The following PPP3CA variants were observed in gnomAD, a reference collection of about 807,000 sequenced individuals.
The protein encoded by PPP3CA is protein phosphatase 3 catalytic subunit alpha.
In PPP3CA, 14 loss-of-function variants were observed where a neutral mutation model predicts 66.5. That is an observed-to-expected ratio of 0.21 (90% CI 0.14 to 0.33). The LOEUF (loss-of-function observed/expected upper bound fraction) is 0.33, where lower values mean the gene tolerates loss of function less well. PPP3CA is among the 10% of genes least tolerant of loss of function. The pLI, the probability that PPP3CA is intolerant of heterozygous loss-of-function variation, is 1.00. For synonymous variants in PPP3CA, 232 were observed against 226.2 expected (o/e 1.03, Z -0.23); for missense variants, 317 against 639.5 (o/e 0.50, Z 5.44).
chr4:101,229,445 A>C (rs1578574310), intron 1 of PPP3CA, among the ~76,000 whole-genome samples: 1 of 151,832 alleles, frequency 6.6e-6, no homozygotes, highest in East Asian at 1.9e-4. Context: ...CAAGTATATA[A>C]GAATCAGATA....
intron 2 of PPP3CA, among the ~76,000 whole-genome samples, chr4:101,192,680 A>G (rs775773370): frequency 1.3e-5 from 2 of 152,168 alleles, no homozygotes; most frequent in Non-Finnish European, 2.9e-5. Flanking sequence ...TGTACTTATC[A>G]TACATGATAC....
At chr4:101,115,488 T>C (rs1721812284) in intron 2 of PPP3CA, among the ~76,000 whole-genome samples, 1 of 151,940 alleles carries the variant, frequency 6.6e-6, no homozygotes, top group Non-Finnish European at 1.5e-5. Context: ...TTAGCAAATC[T>C]ACAAATAAAT....
At chr4:101,143,414 C>T (rs367621510) in intron 2 of PPP3CA, among the ~76,000 whole-genome samples, 8 of 152,270 alleles carry the variant, frequency 5.3e-5, no homozygotes, top group African/African-American at 1.9e-4. Flanking sequence ...TTCTCTGTTG[C>T]TACTGTCATA....
At chr4:101,299,886 G>A (rs1728322775) in intron 1 of PPP3CA, among the ~76,000 whole-genome samples, 1 of 152,180 alleles carries the variant, frequency 6.6e-6, no homozygotes, top group South Asian at 2.1e-4. Flanking sequence ...TAGTCTTACA[G>A]CTACTTTAAA....
chr4:101,162,528 A>AAAATAAAT (rs70961778), intron 2 of PPP3CA, among the ~76,000 whole-genome samples: 5,555 of 143,838 alleles, frequency 0.039, 140 homozygotes, highest in East Asian at 0.073. Flanking sequence ...AGACTCCATC[A>AAAATAAAT]AAATAAATAA....
rs113982233 is a variant in PPP3CA, at chr4:101,151,782, G to A, written c.260-42704C>T. Among the ~76,000 whole-genome samples, 744 of 142,768 alleles carry A rather than the reference G, an allele frequency of 5.2e-3. 4 individuals are homozygous for A. The highest frequency in any genetic ancestry group is 0.018 in the African/African-American group (699 of 38,586). The allele number at this position is 142,768 out of a possible 152,430, so 93.7% of individuals were successfully genotyped here. On this transcript the variant is annotated intron_variant, in intron 2 of 13. Coordinates refer to ENST00000394854, the MANE Select transcript of PPP3CA (RefSeq NM_000944.5). ...AGCAATTCTACTGCCTCAGCCTCCC[G>A]AGTAGCTGGGACTACAGGAGCATGC...
chr4:101,042,819 TTTTA>T (rs1727588032), intron 10 of PPP3CA, among the ~76,000 whole-genome samples: 2 of 149,660 alleles, frequency 1.3e-5, no homozygotes, highest in South Asian at 2.1e-4. Flanking sequence ...TTTTTTTTTT[TTTTA>T]AAGTGGGATG....
intron 1 of PPP3CA, among the ~76,000 whole-genome samples, chr4:101,305,490 T>G (rs1305028086): frequency 6.6e-6 from 1 of 152,164 alleles, no homozygotes; most frequent in Non-Finnish European, 1.5e-5. Context: ...ATCATAAAGT[T>G]TTCTAGAAAA....
intron 1 of PPP3CA, among the ~76,000 whole-genome samples, chr4:101,291,397 C>T (rs1198686831): frequency 1.3e-5 from 2 of 152,154 alleles, no homozygotes; most frequent in African/African-American, 4.8e-5. Context: ...GGATTGCCTT[C>T]CCAACACATG....
chr4:101,134,255 T>G (rs1722543047), intron 2 of PPP3CA, among the ~76,000 whole-genome samples: 1 of 152,040 alleles, frequency 6.6e-6, no homozygotes, highest in African/African-American at 2.4e-5. Context: ...CTAATTAAAC[T>G]AAAGAGCTTC....
chr4:101,147,583 C>T (rs1201719492), intron 2 of PPP3CA, among the ~76,000 whole-genome samples: 2 of 152,128 alleles, frequency 1.3e-5, no homozygotes, highest in Non-Finnish European at 2.9e-5. Flanking sequence ...ACCTTTGCTA[C>T]TTGAAATTGA....
intron 1 of PPP3CA, among the ~76,000 whole-genome samples, chr4:101,263,731 A>G: frequency 6.6e-6 from 1 of 152,190 alleles, no homozygotes; most frequent in South Asian, 2.1e-4. Flanking sequence ...GGGTCTATTG[A>G]TTAAATTGTC....
intron 6 of PPP3CA, among the ~76,000 whole-genome samples, chr4:101,088,835 G>GCAGC (rs1464202476): frequency 6.6e-6 from 1 of 152,034 alleles, no homozygotes; most frequent in African/African-American, 2.4e-5. Context: ...AAGAGGAAAG[G>GCAGC]CAGCATGGTT....
chr4:101,168,881 TATG>T (rs1211044628), intron 2 of PPP3CA, among the ~76,000 whole-genome samples: 1 of 152,180 alleles, frequency 6.6e-6, no homozygotes, highest in East Asian at 1.9e-4. Flanking sequence ...TGCTTACACA[TATG>T]ATGATACATG....
chr4:101,229,592 C>G (rs879623422), intron 1 of PPP3CA, among the ~76,000 whole-genome samples: 4 of 151,312 alleles, frequency 2.6e-5, no homozygotes, highest in African/African-American at 4.8e-5. Flanking sequence ...GAAGAAACAA[C>G]TAGGGAGTTT....
At chr4:101,296,291 G>C (rs1728196736) in intron 1 of PPP3CA, among the ~76,000 whole-genome samples, 1 of 152,018 alleles carries the variant, frequency 6.6e-6, no homozygotes, top group East Asian at 1.9e-4. Context: ...AACATAGAAA[G>C]TTAACCATTT....
intron 1 of PPP3CA, among the ~76,000 whole-genome samples, chr4:101,280,165 A>G (rs532047146): frequency 6.6e-6 from 1 of 152,338 alleles, no homozygotes; most frequent in Non-Finnish European, 1.5e-5. Flanking sequence ...AAAGCAATAA[A>G]CAGACAAATA....
intron 2 of PPP3CA, among the ~76,000 whole-genome samples, chr4:101,166,944 C>T (rs1723712030): frequency 6.6e-6 from 1 of 152,166 alleles, no homozygotes; most frequent in Non-Finnish European, 1.5e-5. Flanking sequence ...ACTGAAACAA[C>T]AGCACACAGC....
At chr4:101,060,399 T>G (rs1728410566) in intron 10 of PPP3CA, among the ~76,000 whole-genome samples, 1 of 152,118 alleles carries the variant, frequency 6.6e-6, no homozygotes, top group Non-Finnish European at 1.5e-5. Context: ...AAGTTTGCTC[T>G]TATGCTTTTC....
Sources: allele counts gnomAD v4.1 joint callset (sites outside exome capture counted in the v4.1 genomes callset), GRCh38; gene constraint gnomAD v4.1.1; transcripts MANE v1.5; gene names NCBI Gene and HGNC (gene_info 2026-07-23, HGNC 2026-07-21).